KCNQ3: variants seen among roughly 807,000 people sequenced by gnomAD.
KCNQ3 encodes potassium voltage-gated channel subfamily Q member 3.
A neutral mutation model predicts 92.5 loss-of-function variants in KCNQ3; 30 were observed. The ratio of observed to expected loss-of-function variants is 0.32; its 90% CI spans 0.24 to 0.44. The LOEUF is 0.44. Ranked by LOEUF, KCNQ3 falls within the 20% of genes least tolerant of loss-of-function variation. KCNQ3 has a pLI of 1.00. For missense variants in KCNQ3, 913 were observed against 1,140.3 expected (o/e 0.80, Z 2.87); for synonymous variants, 450 against 468.8 (o/e 0.96, Z 0.52).
chr8:132,279,782 A>G (rs761453890), intron 1 of KCNQ3, among the ~76,000 whole-genome samples: 4 of 152,364 alleles, frequency 2.6e-5, no homozygotes, highest in Admixed American at 6.5e-5. Context: ...ACATGCAGAC[A>G]TCAACACATA....
At chr8:132,395,856 G>A (rs1444352396) in intron 1 of KCNQ3, among the ~76,000 whole-genome samples, 4 of 152,232 alleles carry the variant, frequency 2.6e-5, no homozygotes, top group Admixed American at 6.5e-5. Flanking sequence ...CAAAGAGGAG[G>A]AATGGACAGA....
At chr8:132,382,393 C>A (rs1429613999) in intron 1 of KCNQ3, among the ~76,000 whole-genome samples, 1 of 152,174 alleles carries the variant, frequency 6.6e-6, no homozygotes, top group East Asian at 1.9e-4. Context: ...CTCCATCTCT[C>A]ACCATGCGAC....
intron 1 of KCNQ3, among the ~76,000 whole-genome samples, chr8:132,233,755 T>C (rs983037516): frequency 7.2e-5 from 11 of 152,192 alleles, no homozygotes; most frequent in African/African-American, 2.7e-4. Flanking sequence ...TTAGAGGACA[T>C]AGAAAAAAGT....
chr8:132,227,248 G>C (rs1009116597), intron 1 of KCNQ3, among the ~76,000 whole-genome samples: 2 of 151,974 alleles, frequency 1.3e-5, no homozygotes, highest in Non-Finnish European at 2.9e-5. Context: ...TTTTAGTAGA[G>C]ACGGGGTTTC....
chr8:132,203,617 GGAAT>G, intron 1 of KCNQ3, among the ~76,000 whole-genome samples: 1 of 152,234 alleles, frequency 6.6e-6, no homozygotes, highest in African/African-American at 2.4e-5. Context: ...AGTCAGACAG[GGAAT>G]GAGTTTAAAT....
At chr8:132,462,131 C>T (rs537258012) in intron 1 of KCNQ3, among the ~76,000 whole-genome samples, 8 of 152,308 alleles carry the variant, frequency 5.3e-5, no homozygotes, top group Non-Finnish European at 1.0e-4. Flanking sequence ...CGAGTTATTA[C>T]AGGACCTTGT....
chr8:132,253,642 C>A (rs1300986236), intron 1 of KCNQ3, among the ~76,000 whole-genome samples: 2 of 152,204 alleles, frequency 1.3e-5, no homozygotes, highest in Non-Finnish European at 2.9e-5. Flanking sequence ...CTGCTTTATA[C>A]ATTTATTCTC....
At chr8:132,409,814 T>A (rs574197959) in intron 1 of KCNQ3, among the ~76,000 whole-genome samples, 1 of 152,332 alleles carries the variant, frequency 6.6e-6, no homozygotes, top group East Asian at 1.9e-4. Context: ...TGCAGCCCCA[T>A]TCTAAGACTG....
intron 1 of KCNQ3, among the ~76,000 whole-genome samples, chr8:132,400,785 G>A (rs905039035): frequency 1.3e-5 from 2 of 152,248 alleles, no homozygotes; most frequent in Non-Finnish European, 2.9e-5. Flanking sequence ...TTTATATTCA[G>A]GGCCTTGCTA....
intron 1 of KCNQ3, among the ~76,000 whole-genome samples, chr8:132,444,551 A>G (rs1821625742): frequency 1.3e-5 from 2 of 152,204 alleles, no homozygotes; most frequent in African/African-American, 4.8e-5. Flanking sequence ...CTGTGCCTCC[A>G]CTTCCTTCTT....
chr8:132,236,805 T>A lies in KCNQ3; in HGVS notation c.387-50624A>T, dbSNP rs571114763. ...GGTCAGAGACAGAGGAGTAAGAAAT[T>A]TAAAATAAAAGATTTGACACAAGTG... is the stretch of plus-strand genomic sequence containing the variant. On this transcript the variant is annotated intron_variant, in intron 1 of 14. Coordinates refer to ENST00000388996, the MANE Select transcript of KCNQ3 (RefSeq NM_004519.4). Among the ~76,000 whole-genome samples, 3 of 152,264 alleles carry A rather than the reference T, an allele frequency of 2.0e-5. No homozygotes were observed. In the South Asian group the frequency reaches 6.2e-4, roughly 32 times the overall value.
intron 1 of KCNQ3, among the ~76,000 whole-genome samples, chr8:132,460,809 G>A (rs1338607494): frequency 6.6e-6 from 1 of 152,164 alleles, no homozygotes; most frequent in African/African-American, 2.4e-5. Flanking sequence ...AATGCACTAA[G>A]TCATGTATCC....
intron 1 of KCNQ3, among the ~76,000 whole-genome samples, chr8:132,262,207 A>G (rs959425747): frequency 2.0e-5 from 3 of 152,230 alleles, no homozygotes; most frequent in Admixed American, 2.0e-4. Context: ...ATTAGAGGTT[A>G]CTTTATGACG....
chr8:132,185,935 A>G (rs1826943000), intron 2 of KCNQ3, among the ~76,000 whole-genome samples, 156 bp downstream of exon 2: 1 of 152,212 alleles, frequency 6.6e-6, no homozygotes, highest in Non-Finnish European at 1.5e-5. Context: ...GGCGGGCCAT[A>G]CCAAGTAATG....
In KCNQ3 at chr8:132,186,181, C is replaced by A; in HGVS notation, c.387G>T (p.Val129=). 1.9e-6 allele frequency: 3 copies of A among 1,610,792 alleles called. No individual in the cohort carries two copies. Among genetic ancestry groups the A allele is most frequent in the African/African-American group, 1.3e-5 (1 of 74,952 alleles). Residue 129 remains valine, a splice_region_variant and synonymous_variant, in exon 2 of 15, where the codon GTG becomes GTT. Transcript: ENST00000388996. ...RGWALLYHAL[V]FLIVLGCLIL... The stretch of plus-strand genomic sequence containing the variant: ...TCAAGCACCCCAGGACAATCAGGAA[C>A]CTAGAGGGGAAGAAAGAAATGGACT...
Position 132,397,012 on chromosome 8 carries a change from T to G in KCNQ3, c.386+83135A>C, listed in dbSNP as rs147111932. 5.4e-3 allele frequency among the ~76,000 whole-genome samples: 811 copies of G among 150,028 alleles called. 9 individuals are homozygous for G. Among genetic ancestry groups the G allele is most frequent in the African/African-American group, 0.018 (750 of 40,886 alleles). ...AGAGAGAGAGAGAGATTTAAGAGAGTCAGGGAGAGCCTCTCTAGTTGGTGC... is the reference window on the plus strand; with the variant it reads ...AGAGAGAGAGAGAGATTTAAGAGAGGCAGGGAGAGCCTCTCTAGTTGGTGC... On this transcript the variant is annotated intron_variant, in intron 1 of 14. Transcript: ENST00000388996.
At chr8:132,232,961 G>C (rs1586849894) in intron 1 of KCNQ3, among the ~76,000 whole-genome samples, 1 of 152,208 alleles carries the variant, frequency 6.6e-6, no homozygotes, top group African/African-American at 2.4e-5. Context: ...ACTAAGGTGA[G>C]AGGAAAGCTA....
chr8:132,402,799 C>T (rs377485930), intron 1 of KCNQ3, among the ~76,000 whole-genome samples: 4 of 152,096 alleles, frequency 2.6e-5, no homozygotes, highest in South Asian at 2.1e-4. Context: ...GGGCAGATCA[C>T]GAGGTCAGGA....
At chr8:132,191,613 G>GTATATATAATATATATAATTAA (rs1342456213) in intron 1 of KCNQ3, among the ~76,000 whole-genome samples, 2 of 147,462 alleles carry the variant, frequency 1.4e-5, no homozygotes, top group African/African-American at 4.9e-5. Context: ...GTGTGTGTAT[G>GTATATATAATATATATAATTAA]TATATATAAT....
Sources: gnomAD v4.1 joint callset for allele counts (sites outside exome capture counted in the v4.1 genomes callset) on GRCh38, gnomAD v4.1.1 for gene constraint, MANE v1.5 for transcripts, NCBI Gene and HGNC (gene_info 2026-07-23, HGNC 2026-07-21) for gene names.